The following GALNTL6 variants were observed in gnomAD, a reference collection of about 807,000 sequenced individuals.
GALNTL6 encodes polypeptide N-acetylgalactosaminyltransferase-like 6.
In GALNTL6, 46 loss-of-function variants were observed where a neutral mutation model predicts 73.7. The ratio of observed to expected loss-of-function variants is 0.62; its 90% CI spans 0.49 to 0.80. The LOEUF is 0.80. Among genes scored for constraint, GALNTL6 ranks in the 30% least tolerant of loss-of-function variants. The pLI, the probability that GALNTL6 is intolerant of heterozygous loss-of-function variation, is 0.00. For synonymous variants in GALNTL6, 259 were observed against 263.7 expected, an observed-to-expected ratio of 0.98 and a Z score of 0.17; for missense variants, 604 against 755.0, an observed-to-expected ratio of 0.80 and a Z score of 2.34.
At chr4:172,452,061 A>G (rs1281737485) in intron 5 of GALNTL6, among the ~76,000 whole-genome samples, 5 of 152,166 alleles carry the variant, frequency 3.3e-5, no homozygotes, top group African/African-American at 9.7e-5. Context: ...CAAAAAACCC[A>G]TGTAAGCATA....
chr4:172,813,786 C>A, intron 7 of GALNTL6, 63 bp downstream of exon 7: 3 of 1,292,748 alleles, frequency 2.3e-6, no homozygotes, highest in South Asian at 1.6e-5. Flanking sequence ...CAGTGTTAAA[C>A]CTGGGCTCAA....
At chr4:171,815,380 A>G (rs1393985603) in intron 2 of GALNTL6, 2 of 152,464 alleles carry the variant, frequency 1.3e-5, no homozygotes, top group East Asian at 3.8e-4. Flanking sequence ...TACTAAAGAT[A>G]TGTAGTATAA....
chr4:172,626,645 C>G (rs962994701), intron 5 of GALNTL6, among the ~76,000 whole-genome samples: 1 of 151,858 alleles, frequency 6.6e-6, no homozygotes, highest in African/African-American at 2.4e-5. Flanking sequence ...AAATGTTTTT[C>G]CATTTATTTG....
intron 10 of GALNTL6, among the ~76,000 whole-genome samples, chr4:172,979,918 G>A (rs796378786): frequency 1.3e-5 from 2 of 152,272 alleles, no homozygotes; most frequent in African/African-American, 4.8e-5. Context: ...TGTCCTTTTG[G>A]GAATTTCCAG....
At chr4:172,566,117 A>G (rs1202522709) in intron 5 of GALNTL6, among the ~76,000 whole-genome samples, 1 of 152,184 alleles carries the variant, frequency 6.6e-6, no homozygotes, top group Non-Finnish European at 1.5e-5. Flanking sequence ...TTCTCTACTT[A>G]CAATAATGAA....
chr4:171,976,073 C>T (rs1739713239), intron 2 of GALNTL6, among the ~76,000 whole-genome samples: 1 of 152,070 alleles, frequency 6.6e-6, no homozygotes, highest in African/African-American at 2.4e-5. Context: ...CAGGGGTGCG[C>T]CACCATGCCC....
At chr4:172,295,007 T>C (rs908557111) in intron 3 of GALNTL6, among the ~76,000 whole-genome samples, 3 of 152,196 alleles carry the variant, frequency 2.0e-5, no homozygotes, top group Non-Finnish European at 4.4e-5. Context: ...TTTTAAAATA[T>C]ATAGATTCAG....
At chr4:171,884,263 G>A (rs1736546947) in intron 2 of GALNTL6, among the ~76,000 whole-genome samples, 1 of 151,926 alleles carries the variant, frequency 6.6e-6, no homozygotes, top group Admixed American at 6.6e-5. Flanking sequence ...CTAAAGCATT[G>A]AAAGATCTCA....
intron 2 of GALNTL6, among the ~76,000 whole-genome samples, chr4:171,892,573 G>GT (rs2110928949): frequency 6.6e-6 from 1 of 152,116 alleles, no homozygotes; most frequent in African/African-American, 2.4e-5. Context: ...TACAAATAAC[G>GT]TTTTTTAAGA....
At chr4:171,893,727 A>G (rs1736824627) in intron 2 of GALNTL6, among the ~76,000 whole-genome samples, 5 of 152,188 alleles carry the variant, frequency 3.3e-5, no homozygotes. Context: ...GGTACTTAGA[A>G]AAATCACTTT....
intron 10 of GALNTL6, among the ~76,000 whole-genome samples, chr4:173,006,276 C>T (rs182062530): frequency 1.7e-3 from 265 of 152,284 alleles, no homozygotes; most frequent in African/African-American, 6.1e-3. Context: ...TCAGTATAAA[C>T]TGATACTGGT....
At chr4:171,940,820 A>AAAATAAATAAATAAAT (rs372040035) in intron 2 of GALNTL6, among the ~76,000 whole-genome samples, 23 of 83,242 alleles carry the variant, frequency 2.8e-4, no homozygotes, top group East Asian at 7.5e-4. Context: ...TCCATCTCAG[A>AAAATAAATAAATAAAT]AAATAAATAA....
chr4:172,310,271 A>ATT (rs1169018138), intron 3 of GALNTL6, among the ~76,000 whole-genome samples: 4 of 145,720 alleles, frequency 2.7e-5, no homozygotes, highest in African/African-American at 7.5e-5. Flanking sequence ...TTACTCGATA[A>ATT]TTTTTTTTTT....
intron 10 of GALNTL6, among the ~76,000 whole-genome samples, chr4:172,961,346 G>A (rs1270971665): frequency 1.3e-5 from 2 of 151,752 alleles, no homozygotes; most frequent in Non-Finnish European, 2.9e-5. Flanking sequence ...AGAGAGAGAA[G>A]GGGTCGGGGG....
chr4:173,018,118 C>A (rs1190583754), intron 11 of GALNTL6, among the ~76,000 whole-genome samples: 1 of 152,128 alleles, frequency 6.6e-6, no homozygotes, highest in Non-Finnish European at 1.5e-5. Context: ...TCAATCAAGA[C>A]CACTTGTTCC....
intron 3 of GALNTL6, among the ~76,000 whole-genome samples, chr4:172,281,666 G>A (rs976432166): frequency 2.6e-5 from 4 of 152,112 alleles, no homozygotes; most frequent in East Asian, 3.9e-4. Context: ...AGCCAAGATC[G>A]CTCCACTGCA....
At chr4:171,921,524 A>C (rs1310623368) in intron 2 of GALNTL6, among the ~76,000 whole-genome samples, 1 of 152,130 alleles carries the variant, frequency 6.6e-6, no homozygotes, top group Non-Finnish European at 1.5e-5. Flanking sequence ...ATTATGCCAT[A>C]GGTGGCATTA....
chr4:172,695,881 A>C (rs1733658216), intron 5 of GALNTL6, among the ~76,000 whole-genome samples: 1 of 152,038 alleles, frequency 6.6e-6, no homozygotes, highest in Non-Finnish European at 1.5e-5. Flanking sequence ...TGAACCCAGG[A>C]GGTGGAGCTT....
At chr4:172,752,607 C>T (rs1248626481) in intron 5 of GALNTL6, among the ~76,000 whole-genome samples, 2 of 151,936 alleles carry the variant, frequency 1.3e-5, no homozygotes, top group African/African-American at 4.8e-5. Context: ...ATATTTAATG[C>T]ATTACTTCAA....
Sources: allele counts gnomAD v4.1 joint callset (sites outside exome capture counted in the v4.1 genomes callset), GRCh38; gene constraint gnomAD v4.1.1; transcripts MANE v1.5; gene names NCBI Gene and HGNC (gene_info 2026-07-23, HGNC 2026-07-21).